Variants in SRGAP1 observed in about 807,000 individuals in gnomAD.
The protein encoded by SRGAP1 is SLIT-ROBO Rho GTPase activating protein 1.
In SRGAP1, 43 loss-of-function variants were observed where a neutral mutation model predicts 121.9. That is an observed-to-expected ratio of 0.35 (90% confidence interval 0.28 to 0.46). The LOEUF (loss-of-function observed/expected upper bound fraction) is 0.46, where lower values mean the gene tolerates loss of function less well. Ranked by LOEUF, SRGAP1 falls within the 20% of genes least tolerant of loss-of-function variation. The pLI, the probability that SRGAP1 is intolerant of heterozygous loss-of-function variation, is 1.00. For missense variants in SRGAP1, 1,102 were observed against 1,350.9 expected, an observed-to-expected ratio of 0.82 and a Z score of 2.89; for synonymous variants, 447 against 485.4, an observed-to-expected ratio of 0.92 and a Z score of 1.04.
chr12:64,010,541 C>T (rs973680007), intron 3 of SRGAP1, among the ~76,000 whole-genome samples: 2 of 152,064 alleles, frequency 1.3e-5, no homozygotes, highest in Non-Finnish European at 2.9e-5. Context: ...AGTGCAGAAA[C>T]CAGTCCTTAC....
intron 8 of SRGAP1, among the ~76,000 whole-genome samples, chr12:64,074,608 A>G (rs564239457): frequency 6.6e-6 from 1 of 152,192 alleles, no homozygotes; most frequent in Non-Finnish European, 1.5e-5. Flanking sequence ...ATACATACTC[A>G]AAATTTATCT....
chr12:64,077,010 C>T (rs924435828), intron 8 of SRGAP1, among the ~76,000 whole-genome samples: 4 of 152,120 alleles, frequency 2.6e-5, no homozygotes, highest in Admixed American at 1.3e-4. Flanking sequence ...TTACTAAAAC[C>T]TATGAAAAAC....
At chr12:63,890,692 C>T (rs1196353347) in intron 1 of SRGAP1, among the ~76,000 whole-genome samples, 1 of 152,172 alleles carries the variant, frequency 6.6e-6, no homozygotes, top group Non-Finnish European at 1.5e-5. Flanking sequence ...TCCCCCAGGA[C>T]AGGCCTGCCT....
chr12:64,014,578 T>C (rs2034348231), intron 3 of SRGAP1, among the ~76,000 whole-genome samples: 1 of 152,150 alleles, frequency 6.6e-6, no homozygotes, highest in Admixed American at 6.5e-5. Flanking sequence ...AGTTTACCTA[T>C]ACTACAGATC....
At chr12:63,919,319 A>G (rs2030937199) in intron 1 of SRGAP1, among the ~76,000 whole-genome samples, 2 of 152,122 alleles carry the variant, frequency 1.3e-5, no homozygotes, top group Admixed American at 6.5e-5. Context: ...TGGCCTCCCA[A>G]GGTGCTGTGA....
At chr12:63,949,179 A>G (rs1341074602) in intron 1 of SRGAP1, among the ~76,000 whole-genome samples, 1 of 92,506 alleles carries the variant, frequency 1.1e-5, no homozygotes, top group Non-Finnish European at 2.0e-5. Flanking sequence ...TATTTTTTCC[A>G]TATATATTTT....
At chr12:64,066,027 C>T (rs2035533753) in intron 8 of SRGAP1, among the ~76,000 whole-genome samples, 1 of 124,632 alleles carries the variant, frequency 8.0e-6, no homozygotes, top group South Asian at 2.4e-4. Flanking sequence ...AGATACAAAC[C>T]ACAAATGTTT....
chr12:64,138,238 T>A lies in SRGAP1; in HGVS notation c.2881-4057T>A, dbSNP rs73321384. ...AGTATTTGTATTTTTTGTGACTGGC[T>A]CATTTCATTTAGTGTAATGTCCTCA... On this transcript the variant is annotated intron_variant, in intron 21 of 21. Coordinates refer to ENST00000355086, the MANE Select transcript of SRGAP1 (RefSeq NM_020762.4). Among the ~76,000 whole-genome samples, 337 of 151,990 alleles carry A rather than the reference T, an allele frequency of 2.2e-3. 2 individuals are homozygous for A. The highest frequency in any genetic ancestry group is 7.6e-3 in the African/African-American group (316 of 41,534).
rs1466938650 is a variant in SRGAP1 at position 63,946,797 on chromosome 12, C to T, written c.68-37150C>T. On this transcript the variant is annotated intron_variant, in intron 1 of 21. Transcript: ENST00000355086. ...TGAACTCGTGATCCACCTGCCTTGGCCTCCCAAAGTTCTGGGATTACAGGC... is the reference window on the plus strand; with the variant it reads ...TGAACTCGTGATCCACCTGCCTTGGTCTCCCAAAGTTCTGGGATTACAGGC... Among the ~76,000 whole-genome samples the T allele has an allele frequency of 2.0e-5, 3 of 152,104 alleles. 1 individual carries two copies. Among genetic ancestry groups the T allele is most frequent in the South Asian group, 4.1e-4 (2 of 4,834 alleles).
At chr12:64,086,539 A>G (rs1223655653) in intron 10 of SRGAP1, among the ~76,000 whole-genome samples, 3 of 152,210 alleles carry the variant, frequency 2.0e-5, no homozygotes, top group African/African-American at 7.2e-5. Flanking sequence ...TATTATAGAA[A>G]GAACACCAAC....
At chr12:64,014,314 A>G (rs1449173700) in intron 3 of SRGAP1, among the ~76,000 whole-genome samples, 1 of 152,162 alleles carries the variant, frequency 6.6e-6, no homozygotes, top group Admixed American at 6.5e-5. Context: ...CAAAAGAAAA[A>G]TGTAAGTGTA....
At chr12:64,039,011 ACTGT>A (rs971622431) in intron 4 of SRGAP1, 5 of 152,172 alleles carry the variant, frequency 3.3e-5, no homozygotes, top group Non-Finnish European at 7.4e-5. Context: ...AAGAAAGAGA[ACTGT>A]CTGTTATTTT....
chr12:64,017,580 G>A (rs558766961), intron 4 of SRGAP1, among the ~76,000 whole-genome samples: 11 of 151,738 alleles, frequency 7.2e-5, no homozygotes, highest in East Asian at 1.9e-4. Context: ...ACTTGAACCC[G>A]GGAGGCAGAG....
chr12:64,109,307 G>A (rs1412987013), intron 16 of SRGAP1, among the ~76,000 whole-genome samples: 1 of 152,080 alleles, frequency 6.6e-6, no homozygotes, highest in South Asian at 2.1e-4. Flanking sequence ...TCAGTGAGAA[G>A]TGTTATTCAG....
At chr12:64,047,318 A>G (rs2035150558) in intron 6 of SRGAP1, among the ~76,000 whole-genome samples, 1 of 152,142 alleles carries the variant, frequency 6.6e-6, no homozygotes, top group South Asian at 2.1e-4. Flanking sequence ...TAGGAATCCA[A>G]TTTGCATATA....
chr12:63,949,988 T>C (rs1351141816), intron 1 of SRGAP1, among the ~76,000 whole-genome samples: 1 of 152,222 alleles, frequency 6.6e-6, no homozygotes, highest in Non-Finnish European at 1.5e-5. Flanking sequence ...AATGTATCTC[T>C]AAACAATGCA....
At chr12:64,036,800 A>G (rs1159490625) in intron 4 of SRGAP1, among the ~76,000 whole-genome samples, 2 of 152,238 alleles carry the variant, frequency 1.3e-5, no homozygotes, top group African/African-American at 2.4e-5. Flanking sequence ...AAATGGATGG[A>G]CAAGCTTACT....
intron 3 of SRGAP1, among the ~76,000 whole-genome samples, chr12:63,997,701 G>A (rs897306817): frequency 2.0e-4 from 30 of 152,106 alleles, no homozygotes; most frequent in African/African-American, 7.2e-4. Flanking sequence ...TTTGTTTGCT[G>A]TAAAGGAGTG....
intron 6 of SRGAP1, among the ~76,000 whole-genome samples, chr12:64,051,105 C>T (rs1032440824): frequency 1.1e-4 from 16 of 152,126 alleles, no homozygotes; most frequent in African/African-American, 3.9e-4. Flanking sequence ...TCTATTACCT[C>T]CTTATGTCAT....
Sources: allele counts gnomAD v4.1 joint callset (sites outside exome capture counted in the v4.1 genomes callset), GRCh38; gene constraint gnomAD v4.1.1; transcripts MANE v1.5; gene names NCBI Gene and HGNC (gene_info 2026-07-23, HGNC 2026-07-21).